COL21A1: variants seen among roughly 807,000 people sequenced by gnomAD.
COL21A1 encodes the protein collagen alpha-1(XXI) chain.
Under a neutral mutation model 137.9 loss-of-function variants are expected in COL21A1, and 149 were observed. The ratio of observed to expected loss-of-function variants is 1.08; its 90% CI spans 0.95 to 1.24. The LOEUF is 1.24. COL21A1 is among the 50% of genes most tolerant of loss of function. The pLI is 0.00. For synonymous variants in COL21A1, 456 were observed against 391.5 expected, an observed-to-expected ratio of 1.16 and a Z score of -1.95; for missense variants, 1,167 against 1,158.4, an observed-to-expected ratio of 1.01 and a Z score of -0.11.
At chr6:56,336,696 T>A (rs1422342095) in intron 1 of COL21A1, among the ~76,000 whole-genome samples, 3 of 152,142 alleles carry the variant, frequency 2.0e-5, no homozygotes, top group Non-Finnish European at 4.4e-5. Flanking sequence ...TCTTAAGGAG[T>A]TATACAAATT....
chr6:56,131,213 G>C (rs2152222564), intron 12 of COL21A1, among the ~76,000 whole-genome samples: 1 of 152,024 alleles, frequency 6.6e-6, no homozygotes, highest in Non-Finnish European at 1.5e-5. Context: ...TTGATAAAAA[G>C]CCTTGCTTGT....
chr6:56,079,172 A>G (rs1003488255), intron 17 of COL21A1, among the ~76,000 whole-genome samples: 2 of 151,708 alleles, frequency 1.3e-5, no homozygotes, highest in Non-Finnish European at 3.0e-5. Context: ...AGTTGAGATC[A>G]AGTTCTGAAT....
rs1371785735 is a variant in COL21A1 at position 56,166,964 on chromosome 6, C to T, written c.1220G>A (p.Arg407Gln). 1.9e-6 allele frequency: 3 copies of T among 1,611,806 alleles called. No homozygotes were observed. The highest frequency in any genetic ancestry group is 1.1e-5 in the South Asian group (1 of 90,534). Residue 407 changes from arginine to glutamine, a missense_variant, in exon 7 of 30, where the codon CGA (arginine) becomes CAA (glutamine). Arg to Gln is a conservative substitution (Grantham distance 43). Coordinates refer to ENST00000244728, the MANE Select transcript of COL21A1 (RefSeq NM_030820.4). ...GTTCTGTTCTGGGTCACAGTAGATTCGCAACTTTTGGACATCAAACTAAGA... is the reference window on the plus strand; with the variant it reads ...GTTCTGTTCTGGGTCACAGTAGATTTGCAACTTTTGGACATCAAACTAAGA... ...ETVQFDVQKLRIYCDPEQNNR... is the reference protein window; with the variant it reads ...ETVQFDVQKLQIYCDPEQNNR...
chr6:56,057,542 A>C lies in COL21A1; in HGVS notation c.*115T>G, dbSNP rs1765432959. The C allele has an allele frequency of 2.1e-6, 2 of 964,870 alleles. No individual in the cohort carries two copies. The highest frequency in any genetic ancestry group is 1.6e-6 in the Non-Finnish European group (1 of 643,920). 59.8% of individuals were successfully genotyped at this position (964,870 alleles called of 1,614,324 possible). ...TTTTTTCCATAAGAAAAAAAAAATA[A>C]AAACACCGAGGTACTTAAGTTTCTT... On this transcript the variant is annotated 3_prime_UTR_variant, in exon 30 of 30. Coordinates refer to ENST00000244728, the MANE Select transcript of COL21A1 (RefSeq NM_030820.4).
At chr6:56,215,848 T>C (rs1402344994) in intron 1 of COL21A1, among the ~76,000 whole-genome samples, 1 of 152,126 alleles carries the variant, frequency 6.6e-6, no homozygotes, top group Non-Finnish European at 1.5e-5. Context: ...CCTGAATACT[T>C]ATAATGCATT....
At chr6:56,275,414 A>G (rs1763619441) in intron 1 of COL21A1, among the ~76,000 whole-genome samples, 1 of 152,182 alleles carries the variant, frequency 6.6e-6, no homozygotes, top group South Asian at 2.1e-4. Context: ...TGATCAATAG[A>G]ATAAACAAAC....
intron 1 of COL21A1, among the ~76,000 whole-genome samples, chr6:56,384,746 C>T (rs1351452608): frequency 1.3e-5 from 2 of 152,136 alleles, no homozygotes; most frequent in African/African-American, 2.4e-5. Context: ...GAAGACTCAA[C>T]CCCACTTCTG....
At chr6:56,243,924 A>C (rs1053340232) in intron 1 of COL21A1, among the ~76,000 whole-genome samples, 20 of 152,200 alleles carry the variant, frequency 1.3e-4, no homozygotes, top group Non-Finnish European at 2.5e-4. Flanking sequence ...TTTGTTTCTC[A>C]CAAGAATAAT....
intron 1 of COL21A1, among the ~76,000 whole-genome samples, chr6:56,306,054 A>G (rs1764442919): frequency 3.2e-5 from 1 of 31,220 alleles, no homozygotes. Flanking sequence ...AGAATGTTGA[A>G]TATTGGCACT....
intron 12 of COL21A1, among the ~76,000 whole-genome samples, chr6:56,134,528 G>A (rs1466784597): frequency 6.6e-6 from 1 of 152,212 alleles, no homozygotes; most frequent in Non-Finnish European, 1.5e-5. Context: ...TTGGGGTACT[G>A]TTGGGAAGGC....
At chr6:56,260,493 G>A (rs1030663145) in intron 1 of COL21A1, among the ~76,000 whole-genome samples, 4 of 151,094 alleles carry the variant, frequency 2.6e-5, no homozygotes, top group Admixed American at 6.6e-5. Context: ...AGAATCACTT[G>A]AACCCAGGAG....
chr6:56,294,291 A>G (rs1352235990), intron 1 of COL21A1, among the ~76,000 whole-genome samples: 1 of 152,138 alleles, frequency 6.6e-6, no homozygotes, highest in East Asian at 1.9e-4. Flanking sequence ...AAAATCAATC[A>G]ATACATTCCA....
chr6:56,067,273 T>TA (rs747239277), intron 23 of COL21A1, 22 bp downstream of exon 23: 353 of 1,585,688 alleles, frequency 2.2e-4, no homozygotes, highest in Middle Eastern at 1.7e-4. Flanking sequence ...CTCAGCCTAC[T>TA]AAAAAAAAGC....
At chr6:56,144,845 CCCTT>C (rs1303668263) in intron 10 of COL21A1, among the ~76,000 whole-genome samples, 3 of 152,170 alleles carry the variant, frequency 2.0e-5, no homozygotes, top group African/African-American at 7.2e-5. Flanking sequence ...TGAATGTTTG[CCCTT>C]CCTTTTACTT....
Position 56,179,649 on chromosome 6 carries a change from T to C in COL21A1, c.569A>G (p.Tyr190Cys), listed in dbSNP as rs1777746242. 1 of 1,613,844 alleles carries C rather than the reference T, an allele frequency of 6.2e-7. No individual in the cohort carries two copies. Among genetic ancestry groups the C allele is most frequent in the Non-Finnish European group, 8.5e-7 (1 of 1,179,864 alleles). Residue 190 changes from tyrosine to cysteine, a missense_variant, in exon 3 of 30, where the codon TAT (tyrosine) becomes TGT (cysteine). Coordinates refer to ENST00000244728, the MANE Select transcript of COL21A1 (RefSeq NM_030820.4). ...AATATAGTCTTCCACATAAAACACATAAGTAGACGAAGGCTTGTTGGCAAT... is the reference window on the plus strand; with the variant it reads ...AATATAGTCTTCCACATAAAACACACAAGTAGACGAAGGCTTGTTGGCAAT... ...RAIANKPSSTYVFYVEDYIAI... is the reference protein window; with the variant it reads ...RAIANKPSSTCVFYVEDYIAI...
At chr6:56,175,063 A>G (rs2152276366) in intron 3 of COL21A1, among the ~76,000 whole-genome samples, 1 of 152,226 alleles carries the variant, frequency 6.6e-6, no homozygotes, top group Non-Finnish European at 1.5e-5. Flanking sequence ...ATCTCAATGG[A>G]GGCAGAAAAA....
intron 21 of COL21A1, among the ~76,000 whole-genome samples, 191 bp from the exon 22 acceptor site, chr6:56,069,308 C>T (rs1437204160): frequency 1.3e-5 from 2 of 151,464 alleles, no homozygotes; most frequent in African/African-American, 4.8e-5. Context: ...TTTTCTCTAT[C>T]TTTTCCAGTT....
In COL21A1 at chr6:56,216,009, C is replaced by G. The variant is rs75489299; in HGVS notation, c.-39+31378G>C. 8.3e-3 allele frequency among the ~76,000 whole-genome samples: 1,258 copies of G among 152,170 alleles called. 20 individuals carry two copies. Among genetic ancestry groups the G allele is most frequent in the African/African-American group, 0.029 (1,213 of 41,542 alleles). ...CCAATAATTCTCTAACCTCACAATTCCTTACATGTTACAGGCAATCAATTA... is the reference window on the plus strand; with the variant it reads ...CCAATAATTCTCTAACCTCACAATTGCTTACATGTTACAGGCAATCAATTA... On this transcript the variant is annotated intron_variant, in intron 1 of 29. Transcript: ENST00000244728.
intron 17 of COL21A1, among the ~76,000 whole-genome samples, chr6:56,096,613 T>C (rs1007612398): frequency 1.3e-5 from 2 of 152,174 alleles, no homozygotes; most frequent in African/African-American, 2.4e-5. Flanking sequence ...AATATAATCA[T>C]TTCCTAATAA....
Sources: gnomAD v4.1 joint callset for allele counts (sites outside exome capture counted in the v4.1 genomes callset) on GRCh38, gnomAD v4.1.1 for gene constraint, MANE v1.5 for transcripts, NCBI Gene and HGNC (gene_info 2026-07-23, HGNC 2026-07-21) for gene names.